The following ARMC9 variants were observed in gnomAD, a reference collection of about 807,000 sequenced individuals.
The protein encoded by ARMC9 is lisH domain-containing protein ARMC9.
ARMC9 carries 94 observed loss-of-function variants against 107.0 expected under a neutral mutation model. That is an observed-to-expected ratio of 0.88 (90% CI 0.74 to 1.04). The LOEUF (loss-of-function observed/expected upper bound fraction) is 1.04. Among genes scored for constraint, ARMC9 ranks in the 50% least tolerant of loss-of-function variants. The pLI, the probability that ARMC9 is intolerant of heterozygous loss-of-function variation, is 0.00. For missense variants in ARMC9, 942 were observed against 1,030.1 expected (o/e 0.91, Z 1.17); for synonymous variants, 380 against 396.9 (o/e 0.96, Z 0.51).
chr2:231,258,693 G>T (rs1015951770), intron 10 of ARMC9, among the ~76,000 whole-genome samples: 19 of 152,306 alleles, frequency 1.2e-4, no homozygotes, highest in African/African-American at 4.6e-4. Context: ...CCCTATGCTA[G>T]GGAGGTCTGG....
Position 231,310,418 on chromosome 2 carries a change from C to CAA in ARMC9, c.1773+14178_1773+14179dup, listed in dbSNP as rs1163286917. Among the ~76,000 whole-genome samples, 688 of 101,158 alleles carry CAA rather than the reference C, an allele frequency of 6.8e-3. 8 individuals carry two copies. The highest frequency in any genetic ancestry group is 0.026 in the African/African-American group (645 of 24,638). The allele number at this position is 101,158 out of a possible 152,430, so 66.4% of individuals were successfully genotyped here. On this transcript the variant is annotated intron_variant, in intron 19 of 24. Transcript: ENST00000611582. ...GGGCAACAAGAGTGAAACTCCATCT[C>CAA]AAAAAAAAAAAAAAGGTAAAGTTAA...
At chr2:231,282,600 T>C (rs952416454) in intron 17 of ARMC9, among the ~76,000 whole-genome samples, 1 of 152,224 alleles carries the variant, frequency 6.6e-6, no homozygotes, top group African/African-American at 2.4e-5. Flanking sequence ...AGTTTTGTCT[T>C]TTTTCTTTCT....
At chr2:231,341,634 G>A (rs1397415861) in intron 20 of ARMC9, among the ~76,000 whole-genome samples, 1 of 92,988 alleles carries the variant, frequency 1.1e-5, no homozygotes, top group Non-Finnish European at 1.9e-5. Flanking sequence ...TTGATAGATA[G>A]ATAGATGATA....
intron 9 of ARMC9, among the ~76,000 whole-genome samples, chr2:231,245,436 G>T (rs1360569156): frequency 6.6e-6 from 1 of 152,222 alleles, no homozygotes; most frequent in Non-Finnish European, 1.5e-5. Flanking sequence ...GCAGCTCCCT[G>T]GCTGTGATCT....
intron 14 of ARMC9, among the ~76,000 whole-genome samples, chr2:231,274,757 A>G (rs2039620663): frequency 6.6e-6 from 1 of 152,212 alleles, no homozygotes; most frequent in South Asian, 2.1e-4. Flanking sequence ...AGAAGCCTAC[A>G]AAGTGAAATG....
chr2:231,366,452 C>T (rs2045820685), intron 23 of ARMC9, among the ~76,000 whole-genome samples: 1 of 152,162 alleles, frequency 6.6e-6, no homozygotes, highest in Non-Finnish European at 1.5e-5. Context: ...AATCCTGGCA[C>T]TGTGGGAGGC....
intron 19 of ARMC9, among the ~76,000 whole-genome samples, chr2:231,306,699 G>T (rs755494779): frequency 6.6e-6 from 1 of 151,762 alleles, no homozygotes; most frequent in Non-Finnish European, 1.5e-5. Flanking sequence ...AATTGTCCAA[G>T]CAGTCAAGAG....
intron 18 of ARMC9, chr2:231,295,905 A>T (rs1193523114): frequency 2.8e-5 from 7 of 254,152 alleles, no homozygotes; most frequent in Non-Finnish European, 3.0e-5. Flanking sequence ...CTTGAAATAA[A>T]TATTTACTTA....
intron 8 of ARMC9, among the ~76,000 whole-genome samples, chr2:231,237,345 A>T (rs564109339): frequency 6.6e-6 from 1 of 152,126 alleles, no homozygotes. Flanking sequence ...TTTAATTCTT[A>T]TACACAATTG....
chr2:231,339,037 T>G (rs553713433), intron 20 of ARMC9, among the ~76,000 whole-genome samples: 1 of 152,324 alleles, frequency 6.6e-6, no homozygotes, highest in East Asian at 1.9e-4. Context: ...TACTTAAAAA[T>G]TATATGTATA....
chr2:231,363,378 AG>A (rs1171286483), intron 23 of ARMC9, among the ~76,000 whole-genome samples: 4 of 152,158 alleles, frequency 2.6e-5, no homozygotes, highest in Non-Finnish European at 4.4e-5. Flanking sequence ...CTTGGGGCAG[AG>A]GTCTGGGGTC....
At chr2:231,359,495 G>A (rs1426929175) in intron 22 of ARMC9, among the ~76,000 whole-genome samples, 3 of 152,006 alleles carry the variant, frequency 2.0e-5, no homozygotes. Context: ...ATGGTCTTGG[G>A]ACACTCCAGC....
chr2:231,243,049 A>G (rs2036441680), intron 9 of ARMC9, among the ~76,000 whole-genome samples: 1 of 152,146 alleles, frequency 6.6e-6, no homozygotes, highest in Non-Finnish European at 1.5e-5. Flanking sequence ...GATCGAGACC[A>G]TCCTGGCTAA....
chr2:231,206,341 T>C, intron 2 of ARMC9, 52 bp downstream of exon 2: 1 of 1,520,136 alleles, frequency 6.6e-7, no homozygotes. Context: ...CTTGAAAACT[T>C]GTGTTTTAAA....
At chr2:231,258,945 GC>G in intron 10 of ARMC9, 45 bp from the exon 11 acceptor site, 7 of 1,499,776 alleles carry the variant, frequency 4.7e-6, no homozygotes, top group Non-Finnish European at 6.5e-6. Context: ...TAATAAACAT[GC>G]CCTTTTGCCC....
intron 5 of ARMC9, among the ~76,000 whole-genome samples, chr2:231,218,924 G>A (rs1388626392): frequency 1.3e-5 from 2 of 151,944 alleles, no homozygotes; most frequent in Non-Finnish European, 2.9e-5. Context: ...GCTAATTTTT[G>A]TATTTTTAGT....
At chr2:231,209,662 A>C (rs141812712) in intron 3 of ARMC9, among the ~76,000 whole-genome samples, 7 of 152,198 alleles carry the variant, frequency 4.6e-5, no homozygotes, top group African/African-American at 1.7e-4. Flanking sequence ...CAGCCTCCCA[A>C]GTAGCTGGGA....
At chr2:231,355,493 C>T (rs772094933) in intron 21 of ARMC9, among the ~76,000 whole-genome samples, 2 of 152,202 alleles carry the variant, frequency 1.3e-5, no homozygotes, top group South Asian at 2.1e-4. Flanking sequence ...ACGTTGTTTG[C>T]TTGAAATGTC....
At position 231,337,442 on chromosome 2, in the gene ARMC9, G is replaced by C. The variant is rs187736503; in HGVS notation, c.1878+5545G>C. 4.4e-4 allele frequency among the ~76,000 whole-genome samples: 65 copies of C among 146,530 alleles called. No individual in the cohort carries two copies. In the East Asian group the frequency reaches 0.012, roughly 27 times the overall value. ...CTCCTGAGTAGCTGGAATTACAGGC[G>C]CGCGCCACCACGCCCGGCTAATTTT... On this transcript the variant is annotated intron_variant, in intron 20 of 24. Transcript: ENST00000611582.
Sources: gnomAD v4.1 joint callset for allele counts (sites outside exome capture counted in the v4.1 genomes callset) on GRCh38, gnomAD v4.1.1 for gene constraint, MANE v1.5 for transcripts, NCBI Gene and HGNC (gene_info 2026-07-23, HGNC 2026-07-21) for gene names.